WDFY3: variants seen among roughly 807,000 people sequenced by gnomAD.
WDFY3 encodes WD repeat and FYVE domain containing 3.
Under a neutral mutation model 409.6 loss-of-function variants are expected in WDFY3, and 66 were observed. The ratio of observed to expected loss-of-function variants is 0.16; its 90% CI spans 0.13 to 0.20. The LOEUF is 0.20. WDFY3 is among the 10% of genes least tolerant of loss of function. The pLI, the probability that WDFY3 is intolerant of heterozygous loss-of-function variation, is 1.00. For synonymous variants in WDFY3, 1,521 were observed against 1,537.1 expected (o/e 0.99, Z 0.25); for missense variants, 3,031 against 4,298.1 (o/e 0.71, Z 8.24).
chr4:84,901,093 C>T (rs553884391), intron 2 of WDFY3, among the ~76,000 whole-genome samples: 9 of 152,038 alleles, frequency 5.9e-5, no homozygotes, highest in East Asian at 1.9e-4. Context: ...TGGCAGAAGG[C>T]GAAAGGGCAA....
intron 49 of WDFY3, among the ~76,000 whole-genome samples, chr4:84,716,438 CAAAA>C (rs549365469): frequency 1.8e-5 from 1 of 55,612 alleles, no homozygotes; most frequent in African/African-American, 6.8e-5. Flanking sequence ...GACTCCATCT[CAAAA>C]AAAAAAAAAA....
rs200505360 is a variant in WDFY3 at position 84,775,008 on chromosome 4, C to T, written c.4593-27G>A. ...TATAAGAGAAAGAAGATTTTATACACTGTACTATCACCTTTTCTATAGCTG... is the reference window on the plus strand; with the variant it reads ...TATAAGAGAAAGAAGATTTTATACATTGTACTATCACCTTTTCTATAGCTG... On this transcript the variant is annotated intron_variant, in intron 28 of 67. Transcript: ENST00000295888. 2.2e-5 allele frequency: 36 copies of T among 1,613,408 alleles called. 1 individual carries two copies. Among genetic ancestry groups the T allele is most frequent in the Non-Finnish European group, 2.8e-5 (33 of 1,179,752 alleles).
rs1725309728 is a variant in WDFY3 at position 84,670,589 on chromosome 4, G to A, written c.*2279C>T. On this transcript the variant is annotated 3_prime_UTR_variant, in exon 68 of 68. Transcript: ENST00000295888. ...GGAAGTTGTGTCGGAAAGTTTAAAA[G>A]TGTTCATCCCATATAGTTTCCTATT... 1 of 152,660 alleles carries A rather than the reference G, an allele frequency of 6.6e-6. No homozygotes were observed. The highest frequency in any genetic ancestry group is 2.1e-4 in the South Asian group (1 of 4,838). The allele number at this position is 152,660 out of a possible 1,614,324, so 9.5% of individuals were successfully genotyped here.
intron 53 of WDFY3, among the ~76,000 whole-genome samples, chr4:84,706,254 A>G (rs760992136): frequency 1.1e-4 from 17 of 152,228 alleles, no homozygotes; most frequent in Non-Finnish European, 1.9e-4. Context: ...TAATTTTGCC[A>G]AACTTTTATT....
intron 49 of WDFY3, among the ~76,000 whole-genome samples, chr4:84,715,707 A>G (rs1733763736): frequency 6.8e-6 from 1 of 146,408 alleles, no homozygotes; most frequent in African/African-American, 2.5e-5. Flanking sequence ...CCCAGGAGGC[A>G]GGGCTTGCAG....
intron 48 of WDFY3, among the ~76,000 whole-genome samples, chr4:84,717,819 C>T (rs894403147): frequency 5.3e-5 from 8 of 151,978 alleles, no homozygotes; most frequent in Admixed American, 1.3e-4. Context: ...GAGGCCGAGG[C>T]GGGCGGATCA....
At chr4:84,746,563 C>T (rs1739480216) in intron 36 of WDFY3, among the ~76,000 whole-genome samples, 1 of 152,144 alleles carries the variant, frequency 6.6e-6, no homozygotes, top group Non-Finnish European at 1.5e-5. Context: ...TGATTCATCT[C>T]AATAAAACTG....
At chr4:84,778,445 T>C in intron 27 of WDFY3, 58 bp downstream of exon 27, 10 of 1,405,330 alleles carry the variant, frequency 7.1e-6, no homozygotes, top group South Asian at 1.7e-5. Flanking sequence ...TTTATAATCA[T>C]ATGGAGTAAG....
At position 84,739,086 on chromosome 4, in the gene WDFY3, G is replaced by T. The variant is rs754133328; in HGVS notation, c.6498C>A (p.Ala2166=). 9 of 1,613,926 alleles carry T rather than the reference G, an allele frequency of 5.6e-6. No individual in the cohort carries two copies. In the Admixed American group the frequency reaches 1.5e-4, roughly 27 times the overall value. The change falls in exon 40 of 68, where the codon GCC becomes GCA. Residue 2166 remains alanine (A), a synonymous_variant. Transcript: ENST00000295888. ...NVDGFGLEAE[A]RMTTWHIMIP... The stretch of plus-strand genomic sequence containing the variant: ...TCATAATGTGCCATGTGGTCATGCG[G>T]GCTTCTGCTTCCAGTCCAAATCCAT...
At chr4:84,964,635 T>C (rs1040409516) in intron 1 of WDFY3, among the ~76,000 whole-genome samples, 1 of 152,246 alleles carries the variant, frequency 6.6e-6, no homozygotes, top group Admixed American at 6.5e-5. Flanking sequence ...AGTAGAACAT[T>C]GTATTTTCTA....
chr4:84,786,791 C>A (rs1747632414), intron 23 of WDFY3, among the ~76,000 whole-genome samples: 1 of 152,132 alleles, frequency 6.6e-6, no homozygotes, highest in African/African-American at 2.4e-5. Flanking sequence ...TTATTTAGCA[C>A]ACAGTAAGTG....
chr4:84,955,016 C>T (rs1461549785), intron 1 of WDFY3, among the ~76,000 whole-genome samples: 2 of 151,990 alleles, frequency 1.3e-5, no homozygotes, highest in African/African-American at 4.8e-5. Context: ...ACCAGCCTGG[C>T]CAATATGGCA....
chr4:84,844,290 G>A (rs1340272447), intron 5 of WDFY3, among the ~76,000 whole-genome samples: 1 of 152,030 alleles, frequency 6.6e-6, no homozygotes, highest in East Asian at 1.9e-4. Flanking sequence ...TCACATTAAT[G>A]GTATTATTAT....
rs1291091565 is a variant in WDFY3, at chr4:84,766,328, G to A, written c.4894C>T (p.Leu1632Phe). ...ATATCCAGAAGTCTGTTCCTCAAAA[G>A]TATAAGATTAGCTGATACAAGACCT... ...FGGLVSANLI[L>F]LRNRLLDILL... Residue 1632 changes from leucine to phenylalanine, a missense_variant, in exon 31 of 68, where the codon CTT becomes TTT. Leu to Phe is a conservative substitution (Grantham distance 22). Around this residue, in one of 16 missense-constraint regions of WDFY3, gnomAD observed 342 missense variants for 463.7 expected, o/e 0.74. Transcript: ENST00000295888. The A allele has an allele frequency of 1.2e-6, 2 of 1,602,460 alleles. No homozygotes were observed. Among genetic ancestry groups the A allele is most frequent in the Non-Finnish European group, 1.7e-6 (2 of 1,176,596 alleles).
intron 5 of WDFY3, 49 bp from the exon 6 acceptor site, chr4:84,841,312 A>G (rs1295901820): frequency 4.2e-5 from 64 of 1,514,104 alleles, no homozygotes; most frequent in Non-Finnish European, 5.4e-5. Context: ...GTCACATATA[A>G]AGAGGTTCTT....
chr4:84,780,053 A>C, intron 26 of WDFY3, 55 bp downstream of exon 26: 1 of 1,466,030 alleles, frequency 6.8e-7, no homozygotes, highest in Non-Finnish European at 9.1e-7. Flanking sequence ...ATAATAAAAA[A>C]GCAGAGTATT....
At chr4:84,763,183 A>G (rs1043493618) in intron 32 of WDFY3, among the ~76,000 whole-genome samples, 1 of 152,182 alleles carries the variant, frequency 6.6e-6, no homozygotes, top group Non-Finnish European at 1.5e-5. Context: ...GCTACATGAA[A>G]GATTTTTATG....
intron 27 of WDFY3, among the ~76,000 whole-genome samples, chr4:84,777,213 C>A (rs1180303715): frequency 6.6e-6 from 1 of 151,554 alleles, no homozygotes; most frequent in Non-Finnish European, 1.5e-5. Context: ...GCTGACTGAG[C>A]AAGAATTAAA....
chr4:84,884,479 A>C (rs1233284113), intron 3 of WDFY3, among the ~76,000 whole-genome samples: 1 of 152,122 alleles, frequency 6.6e-6, no homozygotes, highest in Non-Finnish European at 1.5e-5. Context: ...TCTAACACTT[A>C]AATAACATGG....
Sources: gnomAD v4.1 joint callset for allele counts (sites outside exome capture counted in the v4.1 genomes callset) on GRCh38, gnomAD v4.1.1 for gene constraint, gnomAD v4.1.1 regional missense constraint, MANE v1.5 for transcripts, NCBI Gene and HGNC (gene_info 2026-07-23, HGNC 2026-07-21) for gene names.